Variants in CAGE1 observed in about 807,000 individuals in gnomAD.
CAGE1 encodes the protein cancer-associated gene 1 protein.
Under a neutral mutation model 94.9 loss-of-function variants are expected in CAGE1, and 66 were observed. That is an observed-to-expected ratio of 0.70 (90% confidence interval 0.57 to 0.85). The LOEUF (loss-of-function observed/expected upper bound fraction) is 0.85, where lower values mean the gene tolerates loss of function less well. CAGE1 is among the 40% of genes least tolerant of loss of function. The probability of loss-of-function intolerance (pLI) is 0.00; values close to 1 mark genes in which losing one functional copy is unlikely to be tolerated. For synonymous variants in CAGE1, 319 were observed against 321.0 expected, an observed-to-expected ratio of 0.99 and a Z score of 0.07; for missense variants, 865 against 950.4, an observed-to-expected ratio of 0.91 and a Z score of 1.18.
intron 11 of CAGE1, among the ~76,000 whole-genome samples, chr6:7,334,504 G>C (rs183636115): frequency 6.6e-6 from 1 of 152,082 alleles, no homozygotes; most frequent in Non-Finnish European, 1.5e-5. Flanking sequence ...TGAGGCAGGC[G>C]AGTCTCTTGA....
chr6:7,371,686 C>T (rs1351861191), intron 5 of CAGE1, among the ~76,000 whole-genome samples: 1 of 152,058 alleles, frequency 6.6e-6, no homozygotes, highest in Non-Finnish European at 1.5e-5. Context: ...ACTTGGGAGG[C>T]TGAGGCAGGA....
chr6:7,370,743 C>T (rs539161359), intron 5 of CAGE1, among the ~76,000 whole-genome samples: 1 of 152,260 alleles, frequency 6.6e-6, no homozygotes, highest in African/African-American at 2.4e-5. Context: ...TCACACATTC[C>T]ATCAGCCATG....
chr6:7,372,187 TG>T lies in CAGE1; in HGVS notation c.1746+885del, dbSNP rs564962109. The stretch of plus-strand genomic sequence containing the variant: ...AGAAAATCTTTTCTCAAAGGAACCC[TG>T]GGGTTGGGCGCAGTGTCTCACACCT... On this transcript the variant is annotated intron_variant, in intron 5 of 13. Coordinates refer to ENST00000502583, the MANE Select transcript of CAGE1 (RefSeq NM_001170692.2). 5.9e-5 allele frequency among the ~76,000 whole-genome samples: 9 copies of T among 152,234 alleles called. No homozygotes were observed. The East Asian group carries it at 1.7e-3, about 29-fold the overall frequency.
chr6:7,338,691 T>C, intron 11 of CAGE1: 1 of 613,878 alleles, frequency 1.6e-6, no homozygotes, highest in Admixed American at 2.7e-5. Flanking sequence ...TTTGTAATCT[T>C]TTATCCCTCA....
In CAGE1 at chr6:7,374,092, T is replaced by A. The variant is rs1760652125; in HGVS notation, c.727A>T (p.Ile243Phe). Residue 243 changes from isoleucine to phenylalanine, a missense_variant, in exon 5 of 14, where the codon ATT (isoleucine) becomes TTT (phenylalanine). Transcript: ENST00000502583. ...PSKEIQNYGE[I>F]PEMSVSYEKE... ...TCATAACTGACTGACATCTCAGGAATCTCCCCATAATTCTGTATTTCTTTT... is the reference window on the plus strand; with the variant it reads ...TCATAACTGACTGACATCTCAGGAAACTCCCCATAATTCTGTATTTCTTTT... 6.2e-7 allele frequency: 1 copy of A among 1,613,666 alleles called. No homozygotes were observed.
At position 7,379,011 on chromosome 6, in the gene CAGE1, A is replaced by T; in HGVS notation, c.293T>A (p.Ile98Asn). The change falls in exon 4 of 14, where the codon ATT becomes AAT. Residue 98 changes from isoleucine (I) to asparagine (N), a missense_variant. Transcript: ENST00000502583. ...TLDNLLNDNN[I>N]ENYSTNALIQ... ...TAGTGCATTCGTTGAGTAATTTTCA[A>T]TGTTGTTATCTCATAAGAAAGAGAA... is the stretch of plus-strand genomic sequence containing the variant. The T allele has an allele frequency of 6.6e-7, 1 of 1,520,692 alleles. No individual in the cohort carries two copies. Among genetic ancestry groups the T allele is most frequent in the Non-Finnish European group, 8.8e-7 (1 of 1,134,644 alleles). The allele number at this position is 1,520,692 out of a possible 1,614,324, so 94.2% of individuals were successfully genotyped here. A position where few individuals can be genotyped will look rare whatever the true frequency, so the allele number is the denominator to read the frequency against.
At chr6:7,363,955 C>T (rs577809673) in intron 9 of CAGE1, among the ~76,000 whole-genome samples, 1 of 152,352 alleles carries the variant, frequency 6.6e-6, no homozygotes, top group East Asian at 1.9e-4. Context: ...AACTCTCCCT[C>T]ATCAATTATT....
chr6:7,359,505 G>A (rs1760100561), intron 9 of CAGE1, among the ~76,000 whole-genome samples: 1 of 152,216 alleles, frequency 6.6e-6, no homozygotes, highest in South Asian at 2.1e-4. Context: ...GGCTCTAAGG[G>A]CAGGGGTGAG....
chr6:7,375,707 C>T (rs1466507202), intron 4 of CAGE1, among the ~76,000 whole-genome samples: 1 of 152,156 alleles, frequency 6.6e-6, no homozygotes, highest in Non-Finnish European at 1.5e-5. Flanking sequence ...CAGAGCAAGA[C>T]ACCTTGTATC....
intron 11 of CAGE1, among the ~76,000 whole-genome samples, chr6:7,345,873 C>A (rs188439767): frequency 3.9e-5 from 6 of 151,942 alleles, no homozygotes. Context: ...TGCAGTGAGC[C>A]GATACTGTAC....
intron 4 of CAGE1, 40 bp downstream of exon 4, chr6:7,378,577 C>G (rs376778655): frequency 2.3e-5 from 35 of 1,508,864 alleles, no homozygotes; most frequent in Middle Eastern, 1.8e-4. Context: ...GAACTATTCT[C>G]TTTATCAAAT....
intron 11 of CAGE1, among the ~76,000 whole-genome samples, chr6:7,335,964 T>A (rs904099577): frequency 1.3e-5 from 2 of 152,312 alleles, no homozygotes; most frequent in South Asian, 2.1e-4. Context: ...TTAAAAAAAA[T>A]GTGTTAAATA....
chr6:7,358,028 ATATATATATAT>A (rs781305133), intron 9 of CAGE1, among the ~76,000 whole-genome samples: 7,179 of 66,904 alleles, frequency 0.11, 481 homozygotes, highest in South Asian at 0.21. Context: ...AAGTTTTGAG[ATATATATATAT>A]ATATATATAT....
chr6:7,334,416 C>T (rs1428514566), intron 11 of CAGE1, among the ~76,000 whole-genome samples: 1 of 151,974 alleles, frequency 6.6e-6, no homozygotes, highest in Non-Finnish European at 1.5e-5. Context: ...CAATATGATC[C>T]TGGGGGTAAC....
At chr6:7,375,944 A>G (rs1330157439) in intron 4 of CAGE1, among the ~76,000 whole-genome samples, 1 of 152,178 alleles carries the variant, frequency 6.6e-6, no homozygotes, top group Non-Finnish European at 1.5e-5. Context: ...TGTGCTTTAA[A>G]TGCATCCCCT....
chr6:7,389,159 T>C (rs1438322246), intron 1 of CAGE1, 43 bp downstream of exon 1: 7 of 425,670 alleles, frequency 1.6e-5, no homozygotes, highest in Admixed American at 5.3e-5. Flanking sequence ...GCAAAAACTA[T>C]AGTTTTGTTT....
At chr6:7,361,006 A>G (rs1022255233) in intron 9 of CAGE1, among the ~76,000 whole-genome samples, 2 of 152,166 alleles carry the variant, frequency 1.3e-5, no homozygotes, top group Non-Finnish European at 2.9e-5. Flanking sequence ...CAGAATATAT[A>G]GAGCAGGTGA....
chr6:7,356,800 A>ATTAT (rs1325526743), intron 9 of CAGE1, among the ~76,000 whole-genome samples: 4 of 152,212 alleles, frequency 2.6e-5, no homozygotes, highest in Admixed American at 1.3e-4. Context: ...CTAATGTTTT[A>ATTAT]TTATTTATTT....
At position 7,334,107 on chromosome 6, in the gene CAGE1, T is replaced by C. The variant is rs1239473490; in HGVS notation, c.2370-17A>G. 6.2e-6 allele frequency: 9 copies of C among 1,455,234 alleles called. No homozygotes were observed. Among genetic ancestry groups the C allele is most frequent in the Non-Finnish European group, 7.5e-6 (8 of 1,069,528 alleles). 90.1% of individuals were successfully genotyped at this position (1,455,234 alleles called of 1,614,324 possible). Reference sequence around the variant, plus strand: ...TCTTCCAAACTGAAAGAAGAAACAATTGAATTTTATGACTAAAATGGACTT... The same window carrying C: ...TCTTCCAAACTGAAAGAAGAAACAACTGAATTTTATGACTAAAATGGACTT... On this transcript the variant is annotated splice_polypyrimidine_tract_variant and intron_variant, in intron 11 of 13. Transcript: ENST00000502583.
Sources: allele counts gnomAD v4.1 joint callset (sites outside exome capture counted in the v4.1 genomes callset), GRCh38; gene constraint gnomAD v4.1.1; transcripts MANE v1.5; gene names NCBI Gene and HGNC (gene_info 2026-07-23, HGNC 2026-07-21).